BBS9: variants seen among roughly 807,000 people sequenced by gnomAD.
The protein encoded by BBS9 is Bardet-Biedl syndrome 9.
BBS9 carries 89 observed loss-of-function variants against 117.7 expected under a neutral mutation model. The ratio of observed to expected loss-of-function variants is 0.76; its 90% CI spans 0.64 to 0.90. The LOEUF is 0.90. Among genes scored for constraint, BBS9 ranks in the 40% least tolerant of loss-of-function variants. The pLI is 0.00. For missense variants in BBS9, 982 were observed against 1,042.2 expected (o/e 0.94, Z 0.80); for synonymous variants, 379 against 370.9 (o/e 1.02, Z -0.25).
intron 19 of BBS9, among the ~76,000 whole-genome samples, chr7:33,403,415 T>C (rs1829301725): frequency 6.6e-6 from 1 of 150,716 alleles, no homozygotes; most frequent in Admixed American, 6.6e-5. Context: ...GCTGCACCCA[T>C]TAACTCGTCA....
downstream of BBS9, among the ~76,000 whole-genome samples, chr7:33,609,646 T>C: frequency 6.6e-6 from 1 of 152,130 alleles, no homozygotes; most frequent in East Asian, 1.9e-4. Context: ...TTTACATGTC[T>C]GATGGTCAGG....
intron 19 of BBS9, among the ~76,000 whole-genome samples, chr7:33,408,695 A>G (rs930446594): frequency 4.6e-5 from 7 of 152,144 alleles, no homozygotes; most frequent in African/African-American, 1.7e-4. Flanking sequence ...TCTTTTTGGT[A>G]GAACAATTTA....
chr7:33,541,405 A>G lies in BBS9; in HGVS notation c.2521+7229A>G, dbSNP rs568383047. Among the ~76,000 whole-genome samples the G allele has an allele frequency of 1.1e-3, 171 of 152,262 alleles. 2 individuals are homozygous for G. The highest frequency in any genetic ancestry group is 3.9e-3 in the African/African-American group (162 of 41,550). ...TTCCAACCCAAATGCCCATCAATCA[A>G]TGATAACACTCTTATCGCTTATTTA... On this transcript the variant is annotated intron_variant, in intron 21 of 22. Transcript: ENST00000242067.
chr7:33,539,422 G>A (rs538610891), intron 21 of BBS9, among the ~76,000 whole-genome samples: 52 of 152,312 alleles, frequency 3.4e-4, no homozygotes, highest in Non-Finnish European at 1.0e-4. Context: ...ATGCTGTGCC[G>A]GGTGTGTACC....
At chr7:33,395,878 A>G (rs543531065) in intron 19 of BBS9, among the ~76,000 whole-genome samples, 70 of 152,284 alleles carry the variant, frequency 4.6e-4, no homozygotes, top group African/African-American at 1.7e-3. Context: ...ATTGTCATGG[A>G]CAAGTAAAAA....
intron 19 of BBS9, among the ~76,000 whole-genome samples, chr7:33,502,647 C>G (rs1845610524): frequency 1.3e-5 from 2 of 152,172 alleles, no homozygotes; most frequent in Non-Finnish European, 2.9e-5. Context: ...GTGGGAGGAG[C>G]TGACTGAGCT....
At chr7:33,431,021 T>C (rs1834363764) in intron 19 of BBS9, among the ~76,000 whole-genome samples, 1 of 149,874 alleles carries the variant, frequency 6.7e-6, no homozygotes, top group Non-Finnish European at 1.5e-5. Context: ...AAACCCTGTC[T>C]CTGTGAGAAA....
At chr7:33,391,261 G>A (rs1176809416) in intron 19 of BBS9, among the ~76,000 whole-genome samples, 1 of 152,032 alleles carries the variant, frequency 6.6e-6, no homozygotes, top group Non-Finnish European at 1.5e-5. Context: ...CTGTCCCTGT[G>A]GCATAACTCC....
chr7:33,405,355 T>A (rs1455734588), intron 19 of BBS9, among the ~76,000 whole-genome samples: 1 of 152,188 alleles, frequency 6.6e-6, no homozygotes, highest in Admixed American at 6.5e-5. Flanking sequence ...GATGCTGGCC[T>A]CATAAAATGA....
chr7:33,436,313 G>A (rs1448252598), intron 19 of BBS9, among the ~76,000 whole-genome samples: 1 of 152,130 alleles, frequency 6.6e-6, no homozygotes, highest in East Asian at 1.9e-4. Flanking sequence ...TGAAATAAGT[G>A]TGTTGTAGTG....
rs185465827 is a variant in BBS9, at chr7:33,306,571, C to T, written c.1017-29870C>T. Among the ~76,000 whole-genome samples the T allele has an allele frequency of 3.8e-3, 575 of 152,028 alleles. 1 individual carries two copies. Among genetic ancestry groups the T allele is most frequent in the Non-Finnish European group, 6.2e-3 (421 of 67,876 alleles). On this transcript the variant is annotated intron_variant, in intron 9 of 22. Coordinates refer to ENST00000242067, the MANE Select transcript of BBS9 (RefSeq NM_198428.3). The stretch of plus-strand genomic sequence containing the variant: ...TCTGAAAAAGTGTTTGTATTAAATC[C>T]GGTAAGCCAGATATTTGAGTTAGTG...
chr7:33,597,112 C>CACAG (rs1034410716), intron 21 of BBS9, among the ~76,000 whole-genome samples: 10 of 139,850 alleles, frequency 7.2e-5, no homozygotes, highest in African/African-American at 2.0e-4. Context: ...CACACACACA[C>CACAG]AGTAAAATTT....
At chr7:33,312,197 T>G (rs1809409154) in intron 9 of BBS9, among the ~76,000 whole-genome samples, 3 of 151,796 alleles carry the variant, frequency 2.0e-5, no homozygotes, top group Non-Finnish European at 4.4e-5. Context: ...TTTCACAAGA[T>G]TAACATTTTA....
In BBS9 at chr7:33,467,252, T is replaced by C. The variant is rs781418014; in HGVS notation, c.2116-38211T>C. On this transcript the variant is annotated intron_variant, in intron 19 of 22. Transcript: ENST00000242067. ...GGTTGTCTGCTTGCTCAGTTACTGA[T>C]ATTACCAAAACATCTCTTTTAGTTC... 5.9e-5 allele frequency among the ~76,000 whole-genome samples: 9 copies of C among 152,088 alleles called. 1 individual carries two copies. Among genetic ancestry groups the C allele is most frequent in the Middle Eastern group, 6.3e-3 (2 of 316 alleles).
chr7:33,363,144 C>G (rs1820944843), intron 16 of BBS9, among the ~76,000 whole-genome samples: 1 of 152,158 alleles, frequency 6.6e-6, no homozygotes, highest in African/African-American at 2.4e-5. Context: ...ACTCTGTTGT[C>G]TAGGCTGGAG....
chr7:33,424,516 C>T (rs2128864538), intron 19 of BBS9, among the ~76,000 whole-genome samples: 1 of 151,962 alleles, frequency 6.6e-6, no homozygotes, highest in African/African-American at 2.4e-5. Flanking sequence ...AAATGCCTGG[C>T]AGCCTTCTCT....
At chr7:33,465,841 C>A (rs1840081901) in intron 19 of BBS9, among the ~76,000 whole-genome samples, 1 of 152,060 alleles carries the variant, frequency 6.6e-6, no homozygotes, top group African/African-American at 2.4e-5. Flanking sequence ...TTGTTGCTGA[C>A]AGTTAACTGG....
At chr7:33,365,081 C>CT (rs202008416) in intron 16 of BBS9, among the ~76,000 whole-genome samples, 10,392 of 150,422 alleles carry the variant, frequency 0.069, 405 homozygotes, top group African/African-American at 0.087. Flanking sequence ...TTTTGTTTCT[C>CT]TTTTTTTTTC....
chr7:33,252,234 C>T (rs573926925), intron 5 of BBS9, among the ~76,000 whole-genome samples: 22 of 152,290 alleles, frequency 1.4e-4, no homozygotes, highest in African/African-American at 5.3e-4. Context: ...AAGGACCACC[C>T]TCGTGATCCA....
Sources: gnomAD v4.1 joint callset for allele counts (sites outside exome capture counted in the v4.1 genomes callset) on GRCh38, gnomAD v4.1.1 for gene constraint, MANE v1.5 for transcripts, NCBI Gene and HGNC (gene_info 2026-07-23, HGNC 2026-07-21) for gene names.